Variants in TASP1 observed in about 807,000 individuals in gnomAD.
The protein encoded by TASP1 is taspase 1.
Under a neutral mutation model 56.6 loss-of-function variants are expected in TASP1, and 16 were observed. That is an observed-to-expected ratio of 0.28 (90% CI 0.19 to 0.43). The LOEUF (loss-of-function observed/expected upper bound fraction) is 0.43, where lower values mean the gene tolerates loss of function less well. TASP1 is among the 20% of genes least tolerant of loss of function. TASP1 has a pLI of 1.00. For synonymous variants in TASP1, 179 were observed against 184.2 expected (o/e 0.97, Z 0.23); for missense variants, 393 against 511.6 (o/e 0.77, Z 2.24).
Position 13,432,920 on chromosome 20 carries a change from GC to G in TASP1, c.1096+2123del, listed in dbSNP as rs536879588. Among the ~76,000 whole-genome samples, 6 of 151,354 alleles carry G rather than the reference GC, an allele frequency of 4.0e-5. No individual in the cohort carries two copies. The East Asian group carries it at 9.7e-4, about 25-fold the overall frequency. ...GAATAATCGATGAAACAATTTTAAT[GC>G]CCCCCCCAACCCACCGCTGCCCAAA... On this transcript the variant is annotated intron_variant, in intron 12 of 13. Coordinates refer to ENST00000337743, the MANE Select transcript of TASP1 (RefSeq NM_017714.3).
At chr20:13,599,032 A>T (rs1466725602) in intron 4 of TASP1, among the ~76,000 whole-genome samples, 1 of 152,170 alleles carries the variant, frequency 6.6e-6, no homozygotes, top group Admixed American at 6.5e-5. Flanking sequence ...GAAACAACAG[A>T]TGCTGGAGAG....
intron 12 of TASP1, among the ~76,000 whole-genome samples, chr20:13,430,857 CT>C (rs1341312194): frequency 1.3e-5 from 2 of 152,194 alleles, no homozygotes; most frequent in African/African-American, 2.4e-5. Context: ...TCAAAAGTGT[CT>C]GTTACTTGAG....
chr20:13,443,526 A>C (rs1351319063), intron 11 of TASP1, among the ~76,000 whole-genome samples: 1 of 152,236 alleles, frequency 6.6e-6, no homozygotes, highest in Non-Finnish European at 1.5e-5. Context: ...AGATCCCTTA[A>C]ATACCTAAGT....
the TASP1 span, among the ~76,000 whole-genome samples, chr20:13,117,300 A>T: frequency 1.3e-5 from 2 of 152,244 alleles, no homozygotes; most frequent in Non-Finnish European, 2.9e-5. Flanking sequence ...AATCCATTGA[A>T]TGTAAATTAT....
At chr20:13,503,334 C>T (rs1487306615) in intron 10 of TASP1, among the ~76,000 whole-genome samples, 1 of 152,076 alleles carries the variant, frequency 6.6e-6, no homozygotes, top group East Asian at 1.9e-4. Context: ...AGATAGCCAG[C>T]TCAACTCTGC....
At chr20:13,446,308 T>C (rs1191804875) in intron 11 of TASP1, among the ~76,000 whole-genome samples, 1 of 152,122 alleles carries the variant, frequency 6.6e-6, no homozygotes, top group Non-Finnish European at 1.5e-5. Flanking sequence ...TGACCAGGTA[T>C]GTTCATCATT....
At chr20:13,242,191 G>C in the TASP1 span, among the ~76,000 whole-genome samples, 2 of 152,130 alleles carry the variant, frequency 1.3e-5, no homozygotes, top group Admixed American at 1.3e-4. Flanking sequence ...GGAGGTCCAA[G>C]AACTGGGGAG....
At chr20:13,161,903 T>C in the TASP1 span, among the ~76,000 whole-genome samples, 4 of 152,212 alleles carry the variant, frequency 2.6e-5, no homozygotes, top group African/African-American at 4.8e-5. Flanking sequence ...ACCATTGTAT[T>C]GTACACAGTA....
the TASP1 span, among the ~76,000 whole-genome samples, chr20:13,110,914 T>C: frequency 6.6e-6 from 1 of 152,058 alleles, no homozygotes; most frequent in Non-Finnish European, 1.5e-5. Context: ...GCTGTTCAAC[T>C]TTAAGACAAG....
the TASP1 span, among the ~76,000 whole-genome samples, chr20:13,339,574 C>T: frequency 1.4e-3 from 207 of 152,260 alleles, 1 homozygote; most frequent in Non-Finnish European, 2.3e-3. Flanking sequence ...TGATTTTGAA[C>T]GAATTTTCTA....
chr20:13,621,262 T>C (rs1196336751), intron 4 of TASP1, among the ~76,000 whole-genome samples: 1 of 145,758 alleles, frequency 6.9e-6, no homozygotes, highest in Non-Finnish European at 1.5e-5. Flanking sequence ...TGTCTCTACT[T>C]AAAAAAAAAA....
the TASP1 span, among the ~76,000 whole-genome samples, chr20:13,197,141 A>G: frequency 6.6e-6 from 1 of 152,204 alleles, no homozygotes; most frequent in Non-Finnish European, 1.5e-5. Flanking sequence ...GGGGTGCAAC[A>G]CACAAAAGAA....
At chr20:13,397,099 C>A (rs1373174692) in intron 13 of TASP1, among the ~76,000 whole-genome samples, 1 of 152,178 alleles carries the variant, frequency 6.6e-6, no homozygotes, top group Non-Finnish European at 1.5e-5. Context: ...ACATGGCAAG[C>A]CCCACAGTAA....
chr20:13,369,800 T>C, the TASP1 span, among the ~76,000 whole-genome samples: 1 of 152,218 alleles, frequency 6.6e-6, no homozygotes, highest in Non-Finnish European at 1.5e-5. Context: ...TAATGAAATA[T>C]TGTTTCCAAA....
chr20:13,633,408 C>T (rs1467650232), intron 1 of TASP1, among the ~76,000 whole-genome samples: 1 of 152,060 alleles, frequency 6.6e-6, no homozygotes, highest in Non-Finnish European at 1.5e-5. Context: ...TTTGAACCAT[C>T]TGAATGAATT....
the TASP1 span, among the ~76,000 whole-genome samples, chr20:13,144,399 A>C: frequency 6.6e-6 from 1 of 152,242 alleles, no homozygotes; most frequent in Non-Finnish European, 1.5e-5. Context: ...TCATCCTCCC[A>C]GAAGTCCTGA....
At chr20:13,611,524 A>AT (rs112926993) in intron 4 of TASP1, among the ~76,000 whole-genome samples, 10 of 152,340 alleles carry the variant, frequency 6.6e-5, no homozygotes, top group African/African-American at 2.4e-4. Flanking sequence ...ATTCTGAAAA[A>AT]TTAAATCAAA....
chr20:13,469,919 C>A (rs1001867257), intron 11 of TASP1, among the ~76,000 whole-genome samples: 1 of 146,328 alleles, frequency 6.8e-6, no homozygotes, highest in Non-Finnish European at 1.5e-5. Flanking sequence ...AGCTGTTCTC[C>A]TGCCTCAGCC....
At chr20:13,430,561 G>A (rs1300561292) in intron 12 of TASP1, among the ~76,000 whole-genome samples, 2 of 152,212 alleles carry the variant, frequency 1.3e-5, no homozygotes, top group African/African-American at 2.4e-5. Flanking sequence ...CCCAGAGGGA[G>A]TGATTCAACA....
Sources: allele counts gnomAD v4.1 joint callset (sites outside exome capture counted in the v4.1 genomes callset), GRCh38; gene constraint gnomAD v4.1.1; transcripts MANE v1.5; gene names NCBI Gene and HGNC (gene_info 2026-07-23, HGNC 2026-07-21).